The following CCSER1 variants were observed in gnomAD, a reference collection of about 807,000 sequenced individuals.
CCSER1 encodes serine-rich coiled-coil domain-containing protein 1.
Under a neutral mutation model 82.0 loss-of-function variants are expected in CCSER1, and 41 were observed. That is an observed-to-expected ratio of 0.50 (90% confidence interval 0.39 to 0.65). CCSER1 has a LOEUF of 0.65. Ranked by LOEUF, CCSER1 falls within the 30% of genes least tolerant of loss-of-function variation. CCSER1 has a pLI of 0.00. For missense variants in CCSER1, 1,119 were observed against 1,064.2 expected (o/e 1.05, Z -0.72); for synonymous variants, 414 against 383.9 (o/e 1.08, Z -0.92).
At chr4:91,161,861 C>T (rs554554966) in intron 10 of CCSER1, among the ~76,000 whole-genome samples, 43 of 152,184 alleles carry the variant, frequency 2.8e-4, no homozygotes, top group African/African-American at 1.0e-3. Context: ...TTTCTAAATA[C>T]ACAATCATGT....
chr4:91,591,794 C>T (rs779903878), intron 10 of CCSER1, among the ~76,000 whole-genome samples: 7 of 152,036 alleles, frequency 4.6e-5, no homozygotes, highest in African/African-American at 1.2e-4. Context: ...ACAATGGGGC[C>T]GGGCAGCAGT....
rs570412562 is a variant in CCSER1 at position 90,150,249 on chromosome 4, G to C, written c.-42+22418G>C. ...TGGAACCAAACCCTGTGGGTACCAA[G>C]TGTATTCAGTTTTCCAAATGAGTAA... On this transcript the variant is annotated intron_variant, in intron 1 of 10. Coordinates refer to ENST00000509176, the MANE Select transcript of CCSER1 (RefSeq NM_001145065.2). 5.3e-5 allele frequency among the ~76,000 whole-genome samples: 8 copies of C among 152,266 alleles called. No individual in the cohort carries two copies. In the East Asian group the frequency reaches 1.5e-3, roughly 29 times the overall value.
chr4:91,573,402 G>C lies in CCSER1; in HGVS notation c.2218-25170G>C, dbSNP rs561976007. ...CTTTCCTAGTAGTATACACAGGGGT[G>C]TAACCTCCTACTTTGCTGGAAAGTC... On this transcript the variant is annotated intron_variant, in intron 10 of 10. Transcript: ENST00000509176. Among the ~76,000 whole-genome samples the C allele has an allele frequency of 1.1e-4, 16 of 152,280 alleles. 1 individual carries two copies. In the South Asian group the frequency reaches 3.3e-3, roughly 32 times the overall value.
chr4:90,311,334 A>G (rs1302699078), intron 2 of CCSER1, among the ~76,000 whole-genome samples: 2 of 152,078 alleles, frequency 1.3e-5, no homozygotes, highest in African/African-American at 4.8e-5. Context: ...CTCTCTGGAA[A>G]TTAGAGAATG....
At chr4:91,057,059 G>T (rs1299432207) in intron 9 of CCSER1, among the ~76,000 whole-genome samples, 3 of 152,122 alleles carry the variant, frequency 2.0e-5, no homozygotes, top group Non-Finnish European at 4.4e-5. Flanking sequence ...TCACCTCTGT[G>T]TCTGCACCTC....
At chr4:90,370,910 A>G (rs939245086) in intron 3 of CCSER1, among the ~76,000 whole-genome samples, 2 of 151,982 alleles carry the variant, frequency 1.3e-5, no homozygotes, top group Non-Finnish European at 2.9e-5. Flanking sequence ...AATTATTCAT[A>G]TTTGTTTAGA....
At chr4:91,236,337 T>G (rs1581820108) in intron 10 of CCSER1, among the ~76,000 whole-genome samples, 1 of 151,822 alleles carries the variant, frequency 6.6e-6, no homozygotes, top group East Asian at 1.9e-4. Context: ...AATACAAAAA[T>G]TAGCTGGGTG....
chr4:90,953,593 C>T (rs1245313681), intron 9 of CCSER1, among the ~76,000 whole-genome samples: 1 of 151,322 alleles, frequency 6.6e-6, no homozygotes, highest in African/African-American at 2.4e-5. Flanking sequence ...TATAAATACA[C>T]CTATACATTC....
At chr4:91,546,886 G>A (rs1761918005) in intron 10 of CCSER1, among the ~76,000 whole-genome samples, 1 of 149,238 alleles carries the variant, frequency 6.7e-6, no homozygotes, top group Non-Finnish European at 1.5e-5. Context: ...ACTAAACAAT[G>A]TTTTCTCTGC....
chr4:90,612,082 C>G (rs1785583511), intron 5 of CCSER1, among the ~76,000 whole-genome samples: 1 of 151,474 alleles, frequency 6.6e-6, no homozygotes, highest in Admixed American at 6.6e-5. Context: ...ATTGCGTGTT[C>G]AATAAAATGT....
chr4:91,172,529 C>A lies in CCSER1; in HGVS notation c.2217+86535C>A, dbSNP rs144103157. Among the ~76,000 whole-genome samples, 310 of 152,306 alleles carry A rather than the reference C, an allele frequency of 2.0e-3. 3 individuals carry two copies. Among genetic ancestry groups the A allele is most frequent in the African/African-American group, 6.9e-3 (286 of 41,574 alleles). On this transcript the variant is annotated intron_variant, in intron 10 of 10. Transcript: ENST00000509176. ...AAGGCTCTGGCTCGCTCTCCAAGGA[C>A]TTTGGAAGCAATGATTAATATTCAT...
chr4:90,816,584 T>C (rs561058849), intron 8 of CCSER1, among the ~76,000 whole-genome samples: 1 of 152,108 alleles, frequency 6.6e-6, no homozygotes, highest in South Asian at 2.1e-4. Flanking sequence ...AATAATTAAA[T>C]AGAAAGAAAT....
At chr4:90,485,935 C>G (rs1053276252) in intron 5 of CCSER1, among the ~76,000 whole-genome samples, 12 of 152,064 alleles carry the variant, frequency 7.9e-5, no homozygotes, top group Admixed American at 7.2e-4. Context: ...TGGCTAACTT[C>G]TATTCATCTT....
intron 1 of CCSER1, among the ~76,000 whole-genome samples, chr4:90,280,574 T>G (rs1006259634): frequency 6.6e-6 from 1 of 151,968 alleles, no homozygotes; most frequent in Non-Finnish European, 1.5e-5. Context: ...AATTGTATGG[T>G]GTTTGATTGA....
chr4:90,761,138 A>G (rs1460318745), intron 7 of CCSER1, among the ~76,000 whole-genome samples: 2 of 152,122 alleles, frequency 1.3e-5, no homozygotes, highest in Non-Finnish European at 2.9e-5. Context: ...TGCTGAATAA[A>G]CGGTAGATGA....
chr4:90,166,573 A>G (rs1730498005), intron 1 of CCSER1, among the ~76,000 whole-genome samples: 1 of 152,032 alleles, frequency 6.6e-6, no homozygotes, highest in Non-Finnish European at 1.5e-5. Flanking sequence ...TCTTTAGCTA[A>G]TGTCATTCGT....
intron 4 of CCSER1, among the ~76,000 whole-genome samples, chr4:90,418,286 A>G (rs1206996031): frequency 6.6e-6 from 1 of 152,080 alleles, no homozygotes; most frequent in Non-Finnish European, 1.5e-5. Flanking sequence ...AAAATGTGAT[A>G]TACCTGTATG....
chr4:91,186,899 G>A (rs1734593282), intron 10 of CCSER1, among the ~76,000 whole-genome samples: 1 of 152,174 alleles, frequency 6.6e-6, no homozygotes, highest in Non-Finnish European at 1.5e-5. Context: ...CCTCATTCCT[G>A]TAAACCCACA....
intron 6 of CCSER1, among the ~76,000 whole-genome samples, chr4:90,690,598 C>A (rs905966232): frequency 6.6e-6 from 1 of 152,074 alleles, no homozygotes; most frequent in African/African-American, 2.4e-5. Context: ...CTTCTCCTAG[C>A]CTAATTTCCT....
Sources: allele counts gnomAD v4.1 joint callset (sites outside exome capture counted in the v4.1 genomes callset), GRCh38; gene constraint gnomAD v4.1.1; transcripts MANE v1.5; gene names NCBI Gene and HGNC (gene_info 2026-07-23, HGNC 2026-07-21).